The following ZNF385D variants were observed in gnomAD, a reference collection of about 807,000 sequenced individuals.
ZNF385D encodes zinc finger protein 385D.
ZNF385D carries 15 observed loss-of-function variants against 35.8 expected under a neutral mutation model. The ratio of observed to expected loss-of-function variants is 0.42; its 90% confidence interval spans 0.28 to 0.64. The LOEUF is 0.64. Ranked by LOEUF, ZNF385D falls within the 30% of genes least tolerant of loss-of-function variation. ZNF385D has a pLI of 0.23. For missense variants in ZNF385D, 474 were observed against 494.6 expected (o/e 0.96, Z 0.39); for synonymous variants, 212 against 186.8 (o/e 1.13, Z -1.10).
At chr3:21,523,969 T>C (rs2125509869) in intron 3 of ZNF385D, among the ~76,000 whole-genome samples, 1 of 152,230 alleles carries the variant, frequency 6.6e-6, no homozygotes, top group Non-Finnish European at 1.5e-5. Flanking sequence ...GAGAAATGAG[T>C]AATCATTTGG....
chr3:21,773,473 A>T (rs530166630), intron 3 of ZNF385D, among the ~76,000 whole-genome samples: 1 of 151,934 alleles, frequency 6.6e-6, no homozygotes, highest in African/African-American at 2.4e-5. Context: ...ACATCAGAGT[A>T]AACAGACAAC....
intron 3 of ZNF385D, among the ~76,000 whole-genome samples, chr3:21,758,879 G>T (rs2070465757): frequency 7.1e-6 from 1 of 141,106 alleles, no homozygotes; most frequent in Non-Finnish European, 1.5e-5. Flanking sequence ...ACCAAAAATA[G>T]ATGGACACCA....
chr3:22,011,710 T>C (rs1249961370), intron 3 of ZNF385D, among the ~76,000 whole-genome samples: 3 of 152,132 alleles, frequency 2.0e-5, no homozygotes, highest in Admixed American at 6.5e-5. Flanking sequence ...ATTTAATATT[T>C]ACAATACTTT....
chr3:22,213,154 T>G (rs758291151), intron 2 of ZNF385D, among the ~76,000 whole-genome samples: 1 of 152,054 alleles, frequency 6.6e-6, no homozygotes, highest in Non-Finnish European at 1.5e-5. Flanking sequence ...CATGTGACAA[T>G]AGAATTGGAA....
intron 4 of ZNF385D, among the ~76,000 whole-genome samples, chr3:21,463,645 G>A (rs1010427561): frequency 6.6e-6 from 1 of 152,056 alleles, no homozygotes; most frequent in Non-Finnish European, 1.5e-5. Flanking sequence ...CAAGGGGCTA[G>A]TCTTGTCCGC....
intron 3 of ZNF385D, among the ~76,000 whole-genome samples, chr3:22,158,307 T>C (rs1340388351): frequency 6.6e-6 from 1 of 152,124 alleles, no homozygotes; most frequent in Non-Finnish European, 1.5e-5. Context: ...CAGAGTAATC[T>C]TAGAGATATT....
At chr3:22,122,714 A>T (rs1289021140) in intron 3 of ZNF385D, among the ~76,000 whole-genome samples, 1 of 152,182 alleles carries the variant, frequency 6.6e-6, no homozygotes, top group Admixed American at 6.6e-5. Flanking sequence ...TGGATATGGA[A>T]AGTACCAAGA....
chr3:21,808,576 T>C (rs187869691), intron 3 of ZNF385D, among the ~76,000 whole-genome samples: 96 of 152,330 alleles, frequency 6.3e-4, no homozygotes, highest in Non-Finnish European at 8.1e-4. Flanking sequence ...CTCCTCTCCT[T>C]TGTGCCAGTG....
At chr3:21,567,409 A>ATT (rs1301957798) in intron 2 of ZNF385D, among the ~76,000 whole-genome samples, 1 of 152,128 alleles carries the variant, frequency 6.6e-6, no homozygotes, top group Non-Finnish European at 1.5e-5. Context: ...CAGAACCAAA[A>ATT]TTAACAATGC....
At chr3:22,315,940 T>C (rs1291307185) in intron 2 of ZNF385D, among the ~76,000 whole-genome samples, 1 of 152,180 alleles carries the variant, frequency 6.6e-6, no homozygotes, top group Non-Finnish European at 1.5e-5. Flanking sequence ...GTTCCTATAA[T>C]CCCTTACTGC....
chr3:22,115,078 C>A lies in ZNF385D; in HGVS notation c.325+53739G>T, dbSNP rs536181035. ...ATACAGTGACACGAACAAACTAAGA[C>A]AGGGTGTCAACTCACTGGCACTTCT... On this transcript the variant is annotated intron_variant, in intron 3 of 5. Transcript: ENST00000494108. Among the ~76,000 whole-genome samples, 5 of 152,184 alleles carry A rather than the reference C, an allele frequency of 3.3e-5. 1 individual carries two copies. Among genetic ancestry groups the A allele is most frequent in the African/African-American group, 1.2e-4 (5 of 41,556 alleles).
chr3:21,440,932 A>C (rs1165841482), intron 4 of ZNF385D, among the ~76,000 whole-genome samples: 2 of 152,052 alleles, frequency 1.3e-5, no homozygotes. Context: ...CTAAGACTTG[A>C]CATTGTATCT....
At chr3:22,275,618 T>C (rs1701387620) in intron 2 of ZNF385D, among the ~76,000 whole-genome samples, 1 of 152,150 alleles carries the variant, frequency 6.6e-6, no homozygotes, top group African/African-American at 2.4e-5. Context: ...CATATTTCAA[T>C]TTTAGTAAAA....
At chr3:22,254,503 A>G (rs565524686) in intron 2 of ZNF385D, among the ~76,000 whole-genome samples, 3 of 151,800 alleles carry the variant, frequency 2.0e-5, no homozygotes, top group Non-Finnish European at 4.4e-5. Context: ...ATTTCTTTAC[A>G]CATTTCATTA....
At chr3:22,122,561 A>AAGCT (rs556287569) in intron 3 of ZNF385D, among the ~76,000 whole-genome samples, 72 of 152,306 alleles carry the variant, frequency 4.7e-4, no homozygotes, top group Middle Eastern at 3.4e-3. Context: ...AAAAGTGACA[A>AAGCT]AGCTCTCTGC....
chr3:21,753,071 T>A (rs922630632), upstream of ZNF385D, among the ~76,000 whole-genome samples: 1 of 152,172 alleles, frequency 6.6e-6, no homozygotes, highest in African/African-American at 2.4e-5. Context: ...AAGGACTACC[T>A]TAATCATTAA....
intron 2 of ZNF385D, among the ~76,000 whole-genome samples, chr3:22,179,040 T>C (rs958952030): frequency 6.6e-5 from 10 of 152,142 alleles, no homozygotes; most frequent in African/African-American, 1.9e-4. Flanking sequence ...CTTTGTTCTT[T>C]TGGCTTAGGA....
chr3:21,971,168 ATAT>A (rs1703231318), intron 3 of ZNF385D, among the ~76,000 whole-genome samples: 1 of 152,098 alleles, frequency 6.6e-6, no homozygotes, highest in African/African-American at 2.4e-5. Context: ...AAAAAACACA[ATAT>A]TATAACAAAC....
chr3:21,463,616 T>C (rs1306408218), intron 4 of ZNF385D, among the ~76,000 whole-genome samples: 3 of 152,118 alleles, frequency 2.0e-5, no homozygotes, highest in Non-Finnish European at 4.4e-5. Context: ...GCTGGCTCGC[T>C]TTCTCTCACC....
Sources: allele counts gnomAD v4.1 joint callset (sites outside exome capture counted in the v4.1 genomes callset), GRCh38; gene constraint gnomAD v4.1.1; transcripts MANE v1.5; gene names NCBI Gene and HGNC (gene_info 2026-07-23, HGNC 2026-07-21).